CCDC102B: variants seen among roughly 807,000 people sequenced by gnomAD.
CCDC102B encodes the protein coiled-coil domain containing 102B.
A neutral mutation model predicts 57.4 loss-of-function variants in CCDC102B; 75 were observed. That is an observed-to-expected ratio of 1.31 (90% CI 1.08 to 1.58). The LOEUF is 1.58. CCDC102B is among the 40% of genes most tolerant of loss of function. CCDC102B has a pLI of 0.00. For missense variants in CCDC102B, 636 were observed against 582.6 expected, an observed-to-expected ratio of 1.09 and a Z score of -0.94; for synonymous variants, 206 against 201.9, an observed-to-expected ratio of 1.02 and a Z score of -0.17.
chr18:68,860,151 A>T lies in CCDC102B; in HGVS notation c.936+13730A>T, dbSNP rs1243717362. On this transcript the variant is annotated intron_variant, in intron 4 of 7. Transcript: ENST00000360242. ...AAAATGATGAGCTCATGTCCTTTGT[A>T]GGGACATGGATGAAATTGGAAACCA... Among the ~76,000 whole-genome samples the T allele has an allele frequency of 2.8e-5, 2 of 71,110 alleles. 1 individual carries two copies. Among genetic ancestry groups the T allele is most frequent in the Non-Finnish European group, 7.0e-5 (2 of 28,658 alleles). The allele number at this position is 71,110 out of a possible 152,430, so 46.7% of individuals were successfully genotyped here. A position where few individuals can be genotyped will look rare whatever the true frequency, so the allele number is the denominator to read the frequency against.
chr18:68,955,096 C>T (rs2049805187), intron 6 of CCDC102B, among the ~76,000 whole-genome samples: 1 of 152,116 alleles, frequency 6.6e-6, no homozygotes, highest in South Asian at 2.1e-4. Flanking sequence ...ATGGCTACAA[C>T]GCTAAACATG....
chr18:68,957,450 C>G (rs1396791502), intron 6 of CCDC102B, among the ~76,000 whole-genome samples: 3 of 151,426 alleles, frequency 2.0e-5, no homozygotes, highest in African/African-American at 7.3e-5. Flanking sequence ...TCTGGATTAT[C>G]TAATTTGTTC....
downstream of CCDC102B, among the ~76,000 whole-genome samples, chr18:69,056,568 C>T (rs992834710): frequency 1.8e-4 from 27 of 151,764 alleles, no homozygotes; most frequent in Non-Finnish European, 2.8e-4. Flanking sequence ...GAATTACTCT[C>T]TTCTCAGACA....
At chr18:68,929,678 T>G (rs2041600133) in intron 6 of CCDC102B, among the ~76,000 whole-genome samples, 1 of 151,958 alleles carries the variant, frequency 6.6e-6, no homozygotes, top group African/African-American at 2.4e-5. Context: ...TCTCCAGAGC[T>G]TCTAAGCATT....
intron 2 of CCDC102B, among the ~76,000 whole-genome samples, chr18:68,783,302 AT>A (rs1304453060): frequency 6.6e-6 from 1 of 151,978 alleles, no homozygotes; most frequent in Non-Finnish European, 1.5e-5. Flanking sequence ...TCTTTCCTTT[AT>A]TTTTTAGTGC....
At chr18:68,780,485 G>A (rs78709703) in intron 2 of CCDC102B, among the ~76,000 whole-genome samples, 1 of 119,016 alleles carries the variant, frequency 8.4e-6, no homozygotes, top group Non-Finnish European at 1.8e-5. Context: ...TTTTTTTTTT[G>A]CTTCCATAAA....
chr18:68,914,815 C>A (rs2041005923), intron 6 of CCDC102B, among the ~76,000 whole-genome samples: 1 of 152,058 alleles, frequency 6.6e-6, no homozygotes, highest in Non-Finnish European at 1.5e-5. Flanking sequence ...TTTTTGTGAC[C>A]AGTAACAAGC....
chr18:68,772,133 G>T (rs756234096), intron 2 of CCDC102B, among the ~76,000 whole-genome samples: 9 of 152,038 alleles, frequency 5.9e-5, no homozygotes, highest in Non-Finnish European at 1.0e-4. Flanking sequence ...TGATGACAAA[G>T]ATCCAAAAGT....
At chr18:68,722,326 C>T (rs942525556) in intron 2 of CCDC102B, among the ~76,000 whole-genome samples, 1 of 152,202 alleles carries the variant, frequency 6.6e-6, no homozygotes, top group Non-Finnish European at 1.5e-5. Flanking sequence ...TCAACTGAAG[C>T]TGCAGAAATG....
At chr18:68,717,923 GA>G (rs1468239485) in intron 2 of CCDC102B, 4 of 152,150 alleles carry the variant, frequency 2.6e-5, no homozygotes, top group Non-Finnish European at 4.4e-5. Context: ...TCATGAGGTG[GA>G]ATCCTCATGA....
intron 4 of CCDC102B, among the ~76,000 whole-genome samples, chr18:68,852,658 T>C (rs1317773067): frequency 2.6e-5 from 4 of 152,184 alleles, no homozygotes; most frequent in Non-Finnish European, 5.9e-5. Context: ...AATCCATGGA[T>C]GCAAAACTCA....
At chr18:68,843,941 A>G (rs1031020641) in intron 3 of CCDC102B, among the ~76,000 whole-genome samples, 2 of 149,996 alleles carry the variant, frequency 1.3e-5, no homozygotes, top group Non-Finnish European at 3.0e-5. Flanking sequence ...GCAGAGACAC[A>G]AAAGTTTATG....
At chr18:68,787,652 T>G (rs1339471528) in intron 2 of CCDC102B, among the ~76,000 whole-genome samples, 2 of 148,900 alleles carry the variant, frequency 1.3e-5, no homozygotes, top group African/African-American at 2.5e-5. Context: ...GTAGTTTGTA[T>G]TTCTGTGGGA....
intron 6 of CCDC102B, among the ~76,000 whole-genome samples, chr18:68,989,784 G>T (rs1202062463): frequency 1.3e-5 from 2 of 152,136 alleles, no homozygotes; most frequent in African/African-American, 4.8e-5. Flanking sequence ...TCGGTCGTGG[G>T]TGCTCTACTC....
intron 7 of CCDC102B, among the ~76,000 whole-genome samples, chr18:69,047,007 T>A (rs1306510744): frequency 6.6e-6 from 1 of 152,186 alleles, no homozygotes; most frequent in East Asian, 1.9e-4. Context: ...AGCCTTGTAG[T>A]ATAGTTTGAA....
intron 2 of CCDC102B, among the ~76,000 whole-genome samples, chr18:68,792,105 C>G (rs1599467913): frequency 6.6e-6 from 1 of 152,092 alleles, no homozygotes; most frequent in South Asian, 2.1e-4. Flanking sequence ...TATTATTAAC[C>G]AAGGAAAGAA....
chr18:69,005,504 C>T (rs926970565), intron 6 of CCDC102B, among the ~76,000 whole-genome samples: 13 of 151,950 alleles, frequency 8.6e-5, no homozygotes, highest in South Asian at 4.1e-4. Flanking sequence ...TATGATGCTT[C>T]GTTTTTCCTT....
chr18:69,006,891 G>C (rs1238639394), intron 6 of CCDC102B, among the ~76,000 whole-genome samples: 3 of 152,162 alleles, frequency 2.0e-5, no homozygotes, highest in South Asian at 2.1e-4. Flanking sequence ...CTGTGATACT[G>C]TTTTGGTAAA....
chr18:68,846,538 A>G, intron 4 of CCDC102B, 117 bp downstream of exon 4: 1 of 549,194 alleles, frequency 1.8e-6, no homozygotes, highest in Non-Finnish European at 3.1e-6. Flanking sequence ...TAAAAATTGG[A>G]ATTTCCTCTA....
Sources: gnomAD v4.1 joint callset for allele counts (sites outside exome capture counted in the v4.1 genomes callset) on GRCh38, gnomAD v4.1.1 for gene constraint, MANE v1.5 for transcripts, NCBI Gene and HGNC (gene_info 2026-07-23, HGNC 2026-07-21) for gene names.